Variants in HOXB4 observed in about 807,000 individuals in gnomAD.
The protein encoded by HOXB4 is homeobox protein Hox-B4.
A neutral mutation model predicts 20.0 loss-of-function variants in HOXB4; 13 were observed. The ratio of observed to expected loss-of-function variants is 0.65; its 90% CI spans 0.42 to 1.03. The LOEUF (loss-of-function observed/expected upper bound fraction) is 1.03. Among genes scored for constraint, HOXB4 ranks in the 50% least tolerant of loss-of-function variants. The probability of loss-of-function intolerance (pLI) is 0.00; values close to 1 mark genes in which losing one functional copy is unlikely to be tolerated. For missense variants in HOXB4, 343 were observed against 357.1 expected (o/e 0.96, Z 0.32); for synonymous variants, 173 against 148.9 (o/e 1.16, Z -1.18).
chr17:48,577,500 G>C (rs1321076539), intron 1 of HOXB4, among the ~76,000 whole-genome samples: 1 of 152,208 alleles, frequency 6.6e-6, no homozygotes. Context: ...ACTGGGAGTT[G>C]ACTCAACTCT....
Position 48,578,075 on chromosome 17 carries a change from G to A in HOXB4, c.245C>T (p.Pro82Leu), listed in dbSNP as rs2069828610. The A allele has an allele frequency of 2.8e-6, 3 of 1,077,060 alleles. No individual in the cohort carries two copies. Among genetic ancestry groups the A allele is most frequent in the East Asian group, 3.4e-5 (1 of 29,318 alleles). 66.7% of individuals were successfully genotyped at this position (1,077,060 alleles called of 1,614,324 possible). ...GGACAGACCGGGCGGTGGCGGGGGC[G>A]GCGGGGGTGGTGGCGGAGGCGGCGG... ...GPPPPPPPPPPPPPPPGLSPR... is the reference protein window; with the variant it reads ...GPPPPPPPPPLPPPPPGLSPR... The change falls in exon 1 of 2, where the codon CCG becomes CTG. Residue 82 changes from proline (P) to leucine (L), a missense_variant. Pro to Leu is a moderately conservative substitution (Grantham distance 98, BLOSUM62 -3). Transcript: ENST00000332503.
In HOXB4 at chr17:48,576,473, T is replaced by G; in HGVS notation, c.*249A>C. 2.5e-6 allele frequency: 1 copy of G among 394,736 alleles called. No homozygotes were observed. 24.5% of individuals were successfully genotyped at this position (394,736 alleles called of 1,614,324 possible). A position where few individuals can be genotyped will look rare whatever the true frequency, so the allele number is the denominator to read the frequency against. On this transcript the variant is annotated 3_prime_UTR_variant, in exon 2 of 2. Coordinates refer to ENST00000332503, the MANE Select transcript of HOXB4 (RefSeq NM_024015.5). Reference sequence around the variant, plus strand: ...CTTCTTGCTTTTTCTTTTTCTTTTTTTTAAGAAAGAAAGCAAGAGATTTGA... The same window carrying G: ...CTTCTTGCTTTTTCTTTTTCTTTTTGTTAAGAAAGAAAGCAAGAGATTTGA...
Position 48,578,064 on chromosome 17 carries a change from G to C in HOXB4, c.256C>G (p.Pro86Ala), listed in dbSNP as rs1376997230. ...GGAGCCCGAGGGGACAGACCGGGCG[G>C]TGGCGGGGGCGGCGGGGGTGGTGGC... ...PPPPPPPPPP[P>A]PGLSPRAPAP... is the part of the protein sequence containing the mutation. The change falls in exon 1 of 2, where the codon CCG becomes GCG. Residue 86 changes from proline to alanine, a missense_variant. This residue lies in a region of HOXB4 where 241 missense variants were observed against 222.0 expected (regional missense o/e 1.09). Coordinates refer to ENST00000332503, the MANE Select transcript of HOXB4 (RefSeq NM_024015.5). 1 of 1,157,106 alleles carries C rather than the reference G, an allele frequency of 8.6e-7. No individual in the cohort carries two copies. Among genetic ancestry groups the C allele is most frequent in the Non-Finnish European group, 1.1e-6 (1 of 913,024 alleles). The allele number at this position is 1,157,106 out of a possible 1,614,324, so 71.7% of individuals were successfully genotyped here.
In HOXB4 at chr17:48,576,920, G is replaced by A. The variant is rs756972884; in HGVS notation, c.558C>T (p.Tyr186=). The part of the protein sequence containing the change: ...ELEKEFHYNR[Y]LTRRRRVEIA... The stretch of plus-strand genomic sequence containing the variant: ...TCTCCACCCTCCGGCGCCGTGTCAG[G>A]TAGCGGTTGTAGTGAAATTCCTTCT... Residue 186 remains tyrosine (Y), a synonymous_variant, in exon 2 of 2, where the codon TAC becomes TAT. Coordinates refer to ENST00000332503, the MANE Select transcript of HOXB4 (RefSeq NM_024015.5). 4 of 1,614,274 alleles carry A rather than the reference G, an allele frequency of 2.5e-6. No homozygotes were observed. Among genetic ancestry groups the A allele is most frequent in the Non-Finnish European group, 2.5e-6 (3 of 1,180,048 alleles).
chr17:48,576,771 G>A lies in HOXB4; in HGVS notation c.707C>T (p.Ser236Leu), dbSNP rs2069778846. 2.5e-6 allele frequency: 4 copies of A among 1,614,006 alleles called. No individual in the cohort carries two copies. The highest frequency in any genetic ancestry group is 1.1e-5 in the South Asian group (1 of 91,078). Residue 236 changes from serine to leucine, a missense_variant, in exon 2 of 2, where the codon TCA becomes TTA. Ser to Leu is a moderately radical substitution (Grantham distance 145, BLOSUM62 -2). This residue lies in a region of HOXB4 where 48 missense variants were observed against 44.8 expected (regional missense o/e 1.07). Coordinates refer to ENST00000332503, the MANE Select transcript of HOXB4 (RefSeq NM_024015.5). ...GGGCCGGCCAGGGGGCCCTCCGGCT[G>A]AGCCTGCCGCACCACCCGAGCGGAT... is the stretch of plus-strand genomic sequence containing the variant. ...TKIRSGGAAGSAGGPPGRPNG... is the reference protein window; with the variant it reads ...TKIRSGGAAGLAGGPPGRPNG...
At position 48,577,971 on chromosome 17, in the gene HOXB4, GGCT is replaced by G; in HGVS notation, c.346_348del (p.Ser116del). On this transcript the variant is annotated inframe_deletion, in exon 1 of 2. Coordinates refer to ENST00000332503, the MANE Select transcript of HOXB4 (RefSeq NM_024015.5). Reference sequence around the variant, plus strand: ...TTCTGGGCGCAGGGAGGCGGCGGGGGGCTGCTGCTGACCGCCTCGCAGCGCTGG... The same window carrying G: ...TTCTGGGCGCAGGGAGGCGGCGGGGGGCTGCTGACCGCCTCGCAGCGCTGG... The G allele has an allele frequency of 3.8e-6, 5 of 1,312,308 alleles. No individual in the cohort carries two copies. Among genetic ancestry groups the G allele is most frequent in the Non-Finnish European group, 4.9e-6 (5 of 1,026,228 alleles). 81.3% of individuals were successfully genotyped at this position (1,312,308 alleles called of 1,614,324 possible).
In HOXB4 at chr17:48,576,736, G is replaced by T; in HGVS notation, c.742C>A (p.Pro248Thr). 1 of 1,609,210 alleles carries T rather than the reference G, an allele frequency of 6.2e-7. No homozygotes were observed. The highest frequency in any genetic ancestry group is 8.5e-7 in the Non-Finnish European group (1 of 1,177,220). ...GGPPGRPNGG[P>T]RAL ...GTGCGGGGGCACTAGAGCGCGCGGG[G>T]GCCTCCATTGGGCCGGCCAGGGGGC... The change falls in exon 2 of 2, where the codon CCC (proline) becomes ACC (threonine). Residue 248 changes from proline to threonine, a missense_variant. Around this residue, in one of 3 missense-constraint regions of HOXB4, gnomAD observed 48 missense variants for 44.8 expected, o/e 1.07. Coordinates refer to ENST00000332503, the MANE Select transcript of HOXB4 (RefSeq NM_024015.5).
rs773774380 is a variant in HOXB4 at position 48,576,977 on chromosome 17, G to A, written c.501C>T (p.Thr167=). The change falls in exon 2 of 2, where the codon ACC becomes ACT. Residue 167 remains threonine (T), a synonymous_variant. Transcript: ENST00000332503. ...CCAAGACCTGCTGGCGCGTGTAGGC[G>A]GTCCGAGAGCGCTTGGGCTCCCCGC... The part of the protein sequence containing the change: ...YAGGEPKRSR[T]AYTRQQVLEL... The A allele has an allele frequency of 2.5e-6, 4 of 1,611,168 alleles. No individual in the cohort carries two copies. The highest frequency in any genetic ancestry group is 1.1e-5 in the South Asian group (1 of 91,022).
chr17:48,577,851 C>T lies in HOXB4; in HGVS notation c.457+12G>A. 1 of 1,402,562 alleles carries T rather than the reference C, an allele frequency of 7.1e-7. No homozygotes were observed. Among genetic ancestry groups the T allele is most frequent in the South Asian group, 1.9e-5 (1 of 53,854 alleles). 86.9% of individuals were successfully genotyped at this position (1,402,562 alleles called of 1,614,324 possible). On this transcript the variant is annotated intron_variant, in intron 1 of 1. Coordinates refer to ENST00000332503, the MANE Select transcript of HOXB4 (RefSeq NM_024015.5). The stretch of plus-strand genomic sequence containing the variant: ...CAGGGGTGGGAGGGGGAAGGGGTGC[C>T]CACGCACTCACCCGTGCTCACGTGA...
In HOXB4 at chr17:48,578,037, C is replaced by G. The variant is rs2069826032; in HGVS notation, c.283G>C (p.Ala95Pro). The change falls in exon 1 of 2, where the codon GCG (alanine) becomes CCG (proline). Residue 95 changes from alanine (A) to proline (P), a missense_variant. Physicochemically the swap from Ala to Pro is conservative, Grantham distance 27. This residue lies in a region of HOXB4 where 241 missense variants were observed against 222.0 expected (regional missense o/e 1.09). Transcript: ENST00000332503. ...PPPGLSPRAPAPPPAGALLPE... is the reference protein window; with the variant it reads ...PPPGLSPRAPPPPPAGALLPE... ...AGGAGGGCCCCGGCGGGTGGCGGCGCAGGAGCCCGAGGGGACAGACCGGGC... is the reference window on the plus strand; with the variant it reads ...AGGAGGGCCCCGGCGGGTGGCGGCGGAGGAGCCCGAGGGGACAGACCGGGC... The G allele has an allele frequency of 4.2e-6, 5 of 1,191,522 alleles. No individual in the cohort carries two copies. The highest frequency in any genetic ancestry group is 1.0e-6 in the Non-Finnish European group (1 of 965,534). The allele number at this position is 1,191,522 out of a possible 1,614,324, so 73.8% of individuals were successfully genotyped here. A position where few individuals can be genotyped will look rare whatever the true frequency, so the allele number is the denominator to read the frequency against.
At position 48,575,999 on chromosome 17, in the gene HOXB4, C is replaced by G. The variant is rs1250329002; in HGVS notation, c.*723G>C. The G allele has an allele frequency of 6.6e-6, 1 of 152,308 alleles. No individual in the cohort carries two copies. The highest frequency in any genetic ancestry group is 2.4e-5 in the African/African-American group (1 of 41,424). The allele number at this position is 152,308 out of a possible 1,614,324, so 9.4% of individuals were successfully genotyped here. A position where few individuals can be genotyped will look rare whatever the true frequency, so the allele number is the denominator to read the frequency against. On this transcript the variant is annotated 3_prime_UTR_variant, in exon 2 of 2. Transcript: ENST00000332503. The stretch of plus-strand genomic sequence containing the variant: ...GCTCACTCCTGAGTTGTCAAGGCCA[C>G]CCCCTTCCCTACTTGCTCCCCTCCT...
rs767904414 is a variant in HOXB4, at chr17:48,576,751, G to T, written c.727C>A (p.Arg243=). 1 of 1,590,320 alleles carries T rather than the reference G, an allele frequency of 6.3e-7. No homozygotes were observed. Residue 243 remains arginine (R), a synonymous_variant, in exon 2 of 2, where the codon CGG becomes AGG. Transcript: ENST00000332503. ...AAGSAGGPPG[R]PNGGPRAL ...AGCGCGCGGGGGCCTCCATTGGGCCGGCCAGGGGGCCCTCCGGCTGAGCCT... is the reference window on the plus strand; with the variant it reads ...AGCGCGCGGGGGCCTCCATTGGGCCTGCCAGGGGGCCCTCCGGCTGAGCCT...
chr17:48,577,155 GA>G (rs2069792952), intron 1 of HOXB4, 135 bp from the exon 2 acceptor site: 30 of 871,562 alleles, frequency 3.4e-5, no homozygotes, highest in Non-Finnish European at 5.0e-5. Context: ...GGAGAGCGGG[GA>G]AAAACGAAAA....
Position 48,578,055 on chromosome 17 carries a change from G to C in HOXB4, c.265C>G (p.Leu89Val). 1 of 921,732 alleles carries C rather than the reference G, an allele frequency of 1.1e-6. No individual in the cohort carries two copies. The highest frequency in any genetic ancestry group is 1.4e-6 in the Non-Finnish European group (1 of 736,208). The allele number at this position is 921,732 out of a possible 1,614,324, so 57.1% of individuals were successfully genotyped here. The change falls in exon 1 of 2, where the codon CTG becomes GTG. Residue 89 changes from leucine (L) to valine (V), a missense_variant. Leu to Val is a conservative substitution (Grantham distance 32). This residue lies in a region of HOXB4 where 241 missense variants were observed against 222.0 expected (regional missense o/e 1.09). Coordinates refer to ENST00000332503, the MANE Select transcript of HOXB4 (RefSeq NM_024015.5). ...GGCGGCGCAGGAGCCCGAGGGGACAGACCGGGCGGTGGCGGGGGCGGCGGG... is the reference window on the plus strand; with the variant it reads ...GGCGGCGCAGGAGCCCGAGGGGACACACCGGGCGGTGGCGGGGGCGGCGGG... ...PPPPPPPPPG[L>V]SPRAPAPPPA...
At chr17:48,577,644 A>G (rs1046121435) in intron 1 of HOXB4, among the ~76,000 whole-genome samples, 1 of 152,184 alleles carries the variant, frequency 6.6e-6, no homozygotes, top group African/African-American at 2.4e-5. Context: ...AGGATGGGGA[A>G]CCTACTTCAA....
rs2069822097 is a variant in HOXB4, at chr17:48,577,969, G to A, written c.351C>T (p.Pro117=). 1 of 1,313,298 alleles carries A rather than the reference G, an allele frequency of 7.6e-7. No homozygotes were observed. The highest frequency in any genetic ancestry group is 9.7e-7 in the Non-Finnish European group (1 of 1,026,584). The allele number at this position is 1,313,298 out of a possible 1,614,324, so 81.4% of individuals were successfully genotyped here. The change falls in exon 1 of 2, where the codon CCC becomes CCT. Residue 117 remains proline (P), a synonymous_variant. Transcript: ENST00000332503. ...GQRCEAVSSS[P]PPPPCAQNPL... is the part of the protein sequence containing the mutation. The stretch of plus-strand genomic sequence containing the variant: ...GGTTCTGGGCGCAGGGAGGCGGCGG[G>A]GGGCTGCTGCTGACCGCCTCGCAGC...
At position 48,578,065 on chromosome 17, in the gene HOXB4, T is replaced by G. The variant is rs1196745612; in HGVS notation, c.255A>C (p.Pro85=). 2.5e-4 allele frequency: 40 copies of G among 161,496 alleles called. No homozygotes were observed. The East Asian group carries it at 0.015, about 61-fold the overall frequency. 10.0% of individuals were successfully genotyped at this position (161,496 alleles called of 1,614,324 possible). Reference sequence around the variant, plus strand: ...GAGCCCGAGGGGACAGACCGGGCGGTGGCGGGGGCGGCGGGGGTGGTGGCG... The same window carrying G: ...GAGCCCGAGGGGACAGACCGGGCGGGGGCGGGGGCGGCGGGGGTGGTGGCG... The part of the protein sequence containing the change: ...PPPPPPPPPP[P]PPGLSPRAPA... Residue 85 remains proline, a synonymous_variant, in exon 1 of 2, where the codon CCA becomes CCC. Coordinates refer to ENST00000332503, the MANE Select transcript of HOXB4 (RefSeq NM_024015.5).
intron 1 of HOXB4, 29 bp from the exon 2 acceptor site, chr17:48,577,049 A>G (rs751397865): frequency 4.6e-6 from 7 of 1,535,534 alleles, no homozygotes; most frequent in Non-Finnish European, 5.2e-6. Flanking sequence ...AGGGAGAAAG[A>G]GAAAGTTTTA....
At position 48,576,313 on chromosome 17, in the gene HOXB4, C is replaced by T. The variant is rs1014850614; in HGVS notation, c.*409G>A. The T allele has an allele frequency of 1.3e-5, 2 of 157,536 alleles. No homozygotes were observed. The highest frequency in any genetic ancestry group is 3.7e-4 in the East Asian group (2 of 5,396). The allele number at this position is 157,536 out of a possible 1,614,324, so 9.8% of individuals were successfully genotyped here. ...TCGCCACCGAGGCCCGTCTTCTCCT[C>T]GGCAGAGGAAACAAGACAGATGGGC... On this transcript the variant is annotated 3_prime_UTR_variant, in exon 2 of 2. Transcript: ENST00000332503.
Sources: gnomAD v4.1 joint callset for allele counts (sites outside exome capture counted in the v4.1 genomes callset) on GRCh38, gnomAD v4.1.1 for gene constraint, gnomAD v4.1.1 regional missense constraint, MANE v1.5 for transcripts, NCBI Gene and HGNC (gene_info 2026-07-23, HGNC 2026-07-21) for gene names.